The following TRAPPC9 variants were observed in gnomAD, a reference collection of about 807,000 sequenced individuals.
TRAPPC9 encodes trafficking protein particle complex subunit 9, also known as IKK2 binding protein.
A neutral mutation model predicts 124.0 loss-of-function variants in TRAPPC9; 83 were observed. That is an observed-to-expected ratio of 0.67 (90% CI 0.56 to 0.80). The LOEUF is 0.80. Ranked by LOEUF, TRAPPC9 falls within the 30% of genes least tolerant of loss-of-function variation. TRAPPC9 has a pLI of 0.00. For missense variants in TRAPPC9, 1,302 were observed against 1,508.3 expected (o/e 0.86, Z 2.27); for synonymous variants, 638 against 617.5 (o/e 1.03, Z -0.49).
At chr8:140,195,950 A>AC (rs1468553532) in intron 17 of TRAPPC9, among the ~76,000 whole-genome samples, 2 of 149,216 alleles carry the variant, frequency 1.3e-5, no homozygotes, top group Non-Finnish European at 3.0e-5. Context: ...CACCTGTGAC[A>AC]TTAAAACACA....
chr8:140,079,254 G>T (rs1368197083), intron 17 of TRAPPC9, among the ~76,000 whole-genome samples: 1 of 152,122 alleles, frequency 6.6e-6, no homozygotes, highest in Non-Finnish European at 1.5e-5. Context: ...TCAGTCTCGG[G>T]TATGTCTTTA....
Position 139,988,678 on chromosome 8 carries a change from A to T in TRAPPC9, c.2810+48T>A, listed in dbSNP as rs893299089. ...CCACACCCTCCCAAGCAGCGTGGTG[A>T]AGGCAGAGGGTGGCCTGCGGCGGCG... On this transcript the variant is annotated intron_variant, in intron 19 of 22. Transcript: ENST00000438773. The T allele has an allele frequency of 3.1e-6, 4 of 1,287,306 alleles. No individual in the cohort carries two copies. In the African/African-American group the frequency reaches 4.4e-5, roughly 14 times the overall value. The allele number at this position is 1,287,306 out of a possible 1,614,324, so 79.7% of individuals were successfully genotyped here. A position where few individuals can be genotyped will look rare whatever the true frequency, so the allele number is the denominator to read the frequency against.
chr8:139,794,810 TG>T (rs553507155), intron 21 of TRAPPC9, among the ~76,000 whole-genome samples: 54 of 152,298 alleles, frequency 3.5e-4, no homozygotes, highest in African/African-American at 1.3e-3. Context: ...AGCCAGCCTG[TG>T]GGAGTCGCCT....
At chr8:139,950,845 A>G (rs2665916) in intron 19 of TRAPPC9, among the ~76,000 whole-genome samples, 133,326 of 152,270 alleles carry the variant, frequency 0.88, 58,516 homozygotes, top group Middle Eastern at 0.99. Context: ...AGTGAACACC[A>G]GCTCCGAAGG....
chr8:139,962,009 G>C (rs1470426378), intron 19 of TRAPPC9, among the ~76,000 whole-genome samples: 1 of 123,764 alleles, frequency 8.1e-6, no homozygotes, highest in African/African-American at 2.6e-5. Flanking sequence ...GAGAACTGCA[G>C]ACATCAGGAC....
chr8:140,244,400 C>G (rs1046415870), intron 16 of TRAPPC9, among the ~76,000 whole-genome samples: 1 of 152,284 alleles, frequency 6.6e-6, no homozygotes, highest in South Asian at 2.1e-4. Context: ...ATTATCATGT[C>G]TAACAGAAAC....
At chr8:140,208,098 C>T (rs1056280493) in intron 17 of TRAPPC9, among the ~76,000 whole-genome samples, 2 of 151,000 alleles carry the variant, frequency 1.3e-5, no homozygotes, top group South Asian at 2.1e-4. Context: ...TGCAGTGTGC[C>T]GAGATCGCAC....
In TRAPPC9 at chr8:140,443,251, T is replaced by C. The variant is rs185824885; in HGVS notation, c.585-4054A>G. Among the ~76,000 whole-genome samples the C allele has an allele frequency of 6.3e-4, 90 of 142,012 alleles. 1 individual carries two copies. The highest frequency in any genetic ancestry group is 4.8e-3 in the East Asian group (22 of 4,630). 93.2% of individuals were successfully genotyped at this position (142,012 alleles called of 152,430 possible). ...GAGATCGAGACCATCCTGGCTAACATGATGAAACCCCGTCTCTACTAAAAA... is the reference window on the plus strand; with the variant it reads ...GAGATCGAGACCATCCTGGCTAACACGATGAAACCCCGTCTCTACTAAAAA... On this transcript the variant is annotated intron_variant, in intron 2 of 22. Coordinates refer to ENST00000438773, the MANE Select transcript of TRAPPC9 (RefSeq NM_001160372.4).
At chr8:140,053,083 T>C (rs1368168817) in intron 17 of TRAPPC9, among the ~76,000 whole-genome samples, 1 of 152,274 alleles carries the variant, frequency 6.6e-6, no homozygotes, top group Non-Finnish European at 1.5e-5. Context: ...CAAATGAATG[T>C]AGGAGGAATT....
intron 18 of TRAPPC9, among the ~76,000 whole-genome samples, chr8:140,012,584 A>C (rs1226394698): frequency 1.3e-5 from 2 of 152,232 alleles, no homozygotes; most frequent in Non-Finnish European, 2.9e-5. Context: ...CTGGGATTCC[A>C]ACATGAGGCA....
chr8:140,262,037 AC>A (rs2064435979), intron 15 of TRAPPC9, among the ~76,000 whole-genome samples: 1 of 152,128 alleles, frequency 6.6e-6, no homozygotes. Flanking sequence ...TTAAATCCAC[AC>A]ACTGATTCTC....
At chr8:140,331,734 A>G (rs1458216657) in intron 9 of TRAPPC9, among the ~76,000 whole-genome samples, 2 of 152,186 alleles carry the variant, frequency 1.3e-5, no homozygotes, top group South Asian at 2.1e-4. Flanking sequence ...AACAATGCTC[A>G]TCACTAATCA....
At chr8:139,829,373 G>A (rs1825829976) in intron 21 of TRAPPC9, among the ~76,000 whole-genome samples, 1 of 152,246 alleles carries the variant, frequency 6.6e-6, no homozygotes, top group African/African-American at 2.4e-5. Flanking sequence ...CAAGCTCACA[G>A]CCTCCAAAGC....
At chr8:139,892,152 T>G (rs561070056) in intron 20 of TRAPPC9, among the ~76,000 whole-genome samples, 1 of 152,244 alleles carries the variant, frequency 6.6e-6, no homozygotes, top group African/African-American at 2.4e-5. Flanking sequence ...GCAAGGCTGC[T>G]AAGAAGCTTC....
intron 21 of TRAPPC9, among the ~76,000 whole-genome samples, chr8:139,876,175 G>C (rs1829309229): frequency 6.6e-6 from 1 of 152,212 alleles, no homozygotes; most frequent in Non-Finnish European, 1.5e-5. Flanking sequence ...TCGCTGTAGG[G>C]ACATGTCTCT....
Position 140,052,141 on chromosome 8 carries a change from T to C in TRAPPC9, c.2557-28062A>G, listed in dbSNP as rs560257712. Among the ~76,000 whole-genome samples, 15 of 152,170 alleles carry C rather than the reference T, an allele frequency of 9.9e-5. No homozygotes were observed. The South Asian group carries it at 3.1e-3, about 32-fold the overall frequency. On this transcript the variant is annotated intron_variant, in intron 17 of 22. Transcript: ENST00000438773. ...GCGGCCTTCTGCATTCCAGGGTTTATAATGCTAATTCAAAATTACCACAGC... is the reference window on the plus strand; with the variant it reads ...GCGGCCTTCTGCATTCCAGGGTTTACAATGCTAATTCAAAATTACCACAGC...
At chr8:140,150,578 T>C (rs1424777841) in intron 17 of TRAPPC9, among the ~76,000 whole-genome samples, 2 of 152,150 alleles carry the variant, frequency 1.3e-5, no homozygotes, top group South Asian at 2.1e-4. Flanking sequence ...AAAGGATTCA[T>C]CCAAAGGGGC....
intron 17 of TRAPPC9, among the ~76,000 whole-genome samples, chr8:140,053,527 T>A (rs1842118023): frequency 6.6e-6 from 1 of 152,234 alleles, no homozygotes; most frequent in Admixed American, 6.5e-5. Flanking sequence ...GAAAAATGTA[T>A]AATCTGCCAC....
chr8:140,053,250 T>C (rs1842104176), intron 17 of TRAPPC9, among the ~76,000 whole-genome samples: 2 of 152,214 alleles, frequency 1.3e-5, no homozygotes, highest in Non-Finnish European at 2.9e-5. Context: ...AACTTTTTAG[T>C]GGAGCAGCCT....
Sources: gnomAD v4.1 joint callset for allele counts (sites outside exome capture counted in the v4.1 genomes callset) on GRCh38, gnomAD v4.1.1 for gene constraint, MANE v1.5 for transcripts, NCBI Gene and HGNC (gene_info 2026-07-23, HGNC 2026-07-21) for gene names.